The following CTIF variants were observed in gnomAD, a reference collection of about 807,000 sequenced individuals.
CTIF encodes CBP80/20-dependent translation initiation factor.
CTIF carries 21 observed loss-of-function variants against 66.0 expected under a neutral mutation model. The observed-to-expected ratio is 0.32, with a 90% CI of 0.23 to 0.46. CTIF has a LOEUF of 0.46. Ranked by LOEUF, CTIF falls within the 20% of genes least tolerant of loss-of-function variation. The pLI, the probability that CTIF is intolerant of heterozygous loss-of-function variation, is 1.00. For missense variants in CTIF, 739 were observed against 812.7 expected (o/e 0.91, Z 1.10); for synonymous variants, 345 against 326.4 (o/e 1.06, Z -0.62).
At chr18:48,763,965 C>T (rs1426658515) in intron 9 of CTIF, among the ~76,000 whole-genome samples, 1 of 152,150 alleles carries the variant, frequency 6.6e-6, no homozygotes, top group Non-Finnish European at 1.5e-5. Context: ...CCTAGTTCTG[C>T]AGGTGCCACC....
chr18:48,782,494 C>A (rs1911324958), intron 9 of CTIF, among the ~76,000 whole-genome samples: 1 of 152,236 alleles, frequency 6.6e-6, no homozygotes, highest in South Asian at 2.1e-4. Context: ...CAGGAGCTGG[C>A]AGGGGTGACA....
At position 48,761,616 on chromosome 18, in the gene CTIF, A is replaced by C. The variant is rs778977063; in HGVS notation, c.1298A>C (p.Lys433Thr). ...CGCAGCTTCGCCTTCACCGCTGCCA[A>C]GCTCTGCGACAAGATGGCGCTCTTT... ...SDRSFAFTAA[K>T]LCDKMALFMV... Residue 433 changes from lysine to threonine, a missense_variant, in exon 9 of 12, where the codon AAG becomes ACG. Lys to Thr is a moderately conservative substitution (Grantham distance 78). Around this residue, in one of 2 missense-constraint regions of CTIF, gnomAD observed 210 missense variants for 292.3 expected, o/e 0.72. Coordinates refer to ENST00000256413, the MANE Select transcript of CTIF (RefSeq NM_014772.3). The surrounding 1 kb of genome is among the most constrained non-coding windows in gnomAD (Gnocchi z 4.2). The C allele has an allele frequency of 9.3e-6, 15 of 1,614,068 alleles. No homozygotes were observed. The highest frequency in any genetic ancestry group is 3.3e-5 in the Admixed American group (2 of 60,008).
chr18:48,664,543 C>T lies in CTIF; in HGVS notation c.423C>T (p.Asp141=). The change falls in exon 5 of 12, where the codon GAC becomes GAT. Residue 141 remains aspartate (D), a synonymous_variant. Coordinates refer to ENST00000256413, the MANE Select transcript of CTIF (RefSeq NM_014772.3). ...HTPKQPLPHI[D]REGCGKGKLE... ...CCAAGCAGCCCCTGCCACACATCGA[C>T]CGCGAAGGGTAAGGGGTGCTGGGGC... 1 of 1,611,464 alleles carries T rather than the reference C, an allele frequency of 6.2e-7. No homozygotes were observed. Among genetic ancestry groups the T allele is most frequent in the Non-Finnish European group, 8.5e-7 (1 of 1,179,918 alleles).
At chr18:48,604,079 G>A (rs891009302) in intron 1 of CTIF, among the ~76,000 whole-genome samples, 5 of 150,544 alleles carry the variant, frequency 3.3e-5, no homozygotes, top group African/African-American at 1.2e-4. Context: ...CCTGAGCTCA[G>A]GCAATCTGCC....
intron 10 of CTIF, among the ~76,000 whole-genome samples, chr18:48,848,398 T>C (rs988639481): frequency 2.0e-5 from 3 of 152,144 alleles, no homozygotes; most frequent in African/African-American, 7.2e-5. Context: ...CTCCAGTCGC[T>C]ACCAAAGGAA....
intron 7 of CTIF, among the ~76,000 whole-genome samples, chr18:48,732,632 G>A (rs998866745): frequency 3.9e-5 from 6 of 152,128 alleles, no homozygotes; most frequent in Non-Finnish European, 2.9e-5. Context: ...TCTTGTTCTC[G>A]GCAGCCCATC....
intron 7 of CTIF, among the ~76,000 whole-genome samples, chr18:48,724,738 A>G (rs1010663415): frequency 6.6e-6 from 1 of 152,232 alleles, no homozygotes; most frequent in Non-Finnish European, 1.5e-5. Context: ...GGAAGGGCAG[A>G]GGGCCGGAGA....
At chr18:48,811,158 A>G (rs927742708) in intron 9 of CTIF, among the ~76,000 whole-genome samples, 2 of 152,142 alleles carry the variant, frequency 1.3e-5, no homozygotes, top group Non-Finnish European at 2.9e-5. Flanking sequence ...TTAAGTCACT[A>G]CTACTATAAA....
intron 7 of CTIF, among the ~76,000 whole-genome samples, chr18:48,719,362 G>A (rs1027426762): frequency 8.5e-5 from 13 of 152,070 alleles, no homozygotes; most frequent in African/African-American, 2.9e-4. Flanking sequence ...CAGTCATAGA[G>A]TCCCACATCC....
intron 9 of CTIF, among the ~76,000 whole-genome samples, chr18:48,770,875 T>A (rs1032328551): frequency 6.6e-6 from 1 of 152,362 alleles, no homozygotes; most frequent in East Asian, 1.9e-4. Context: ...ACCACTCGGA[T>A]GGCTCCATCA....
chr18:48,761,457 A>G lies in CTIF; in HGVS notation c.1139A>G (p.Asn380Ser), dbSNP rs1166117591. 1.2e-6 allele frequency: 2 copies of G among 1,614,066 alleles called. No homozygotes were observed. Among genetic ancestry groups the G allele is most frequent in the Non-Finnish European group, 1.7e-6 (2 of 1,180,052 alleles). The change falls in exon 9 of 12, where the codon AAC (asparagine) becomes AGC (serine). Residue 380 changes from asparagine to serine, a missense_variant. By Grantham distance (46) the Asn-to-Ser change is conservative (BLOSUM62 1). This residue lies in a region of CTIF where 529 missense variants were observed against 520.3 expected (regional missense o/e 1.02). Transcript: ENST00000256413. The surrounding 1 kb of genome is among the most constrained non-coding windows in gnomAD (Gnocchi z 4.2). ...NKMDKLIEIL[N>S]SMRNNSSDVD... Reference sequence around the variant, plus strand: ...ATGGACAAGCTGATCGAGATCCTGAACAGCATGCGGAACAACAGCAGCGAC... The same window carrying G: ...ATGGACAAGCTGATCGAGATCCTGAGCAGCATGCGGAACAACAGCAGCGAC...
chr18:48,794,186 C>A (rs2067857159), intron 9 of CTIF, among the ~76,000 whole-genome samples: 1 of 152,220 alleles, frequency 6.6e-6, no homozygotes, highest in Admixed American at 6.5e-5. Context: ...CTGCTCTCTG[C>A]CCATTCCTCC....
chr18:48,830,466 C>T (rs778733187), intron 10 of CTIF, among the ~76,000 whole-genome samples: 4 of 152,148 alleles, frequency 2.6e-5, no homozygotes, highest in African/African-American at 4.8e-5. Flanking sequence ...CCACCGCGCC[C>T]GGCCAGATTT....
At chr18:48,812,163 C>A (rs2068271648) in intron 9 of CTIF, among the ~76,000 whole-genome samples, 1 of 152,110 alleles carries the variant, frequency 6.6e-6, no homozygotes, top group Non-Finnish European at 1.5e-5. Flanking sequence ...GGGGTTTCAC[C>A]ATGTTGCTCG....
chr18:48,647,895 T>C (rs560303114), intron 3 of CTIF, among the ~76,000 whole-genome samples: 2 of 152,278 alleles, frequency 1.3e-5, no homozygotes, highest in South Asian at 4.1e-4. Flanking sequence ...GGACAGAACT[T>C]TGGGGCCTGG....
At chr18:48,778,306 A>G (rs544693058) in intron 9 of CTIF, among the ~76,000 whole-genome samples, 3 of 152,264 alleles carry the variant, frequency 2.0e-5, no homozygotes, top group African/African-American at 7.2e-5. Flanking sequence ...AGCTGTTCAA[A>G]GGGTATGTCA....
intron 7 of CTIF, among the ~76,000 whole-genome samples, chr18:48,735,490 C>T (rs907109132): frequency 6.6e-6 from 1 of 152,048 alleles, no homozygotes; most frequent in Admixed American, 6.5e-5. Flanking sequence ...CGCACAGGCA[C>T]GTGGCAGGAA....
intron 10 of CTIF, among the ~76,000 whole-genome samples, chr18:48,848,921 G>A (rs1485862424): frequency 6.6e-6 from 1 of 152,254 alleles, no homozygotes; most frequent in Non-Finnish European, 1.5e-5. Flanking sequence ...AACAAACACT[G>A]TGTGGGCTCG....
intron 2 of CTIF, 134 bp downstream of exon 2, chr18:48,619,879 C>G: frequency 3.3e-6 from 3 of 900,530 alleles, no homozygotes; most frequent in Non-Finnish European, 4.6e-6. Flanking sequence ...AGCAGAGCAC[C>G]CAGAATCTGG....
Sources: gnomAD v4.1 joint callset for allele counts (sites outside exome capture counted in the v4.1 genomes callset) on GRCh38, gnomAD v4.1.1 for gene constraint, gnomAD v4.1.1 regional missense constraint, Gnocchi (gnomAD v3.1) non-coding constraint, MANE v1.5 for transcripts, NCBI Gene and HGNC (gene_info 2026-07-23, HGNC 2026-07-21) for gene names.